Variants in ANAPC5 observed in about 807,000 individuals in gnomAD.
ANAPC5 encodes the protein anaphase-promoting complex subunit 5.
Under a neutral mutation model 91.3 loss-of-function variants are expected in ANAPC5, and 60 were observed. The ratio of observed to expected loss-of-function variants is 0.66; its 90% CI spans 0.53 to 0.81. ANAPC5 has a LOEUF of 0.81. Among genes scored for constraint, ANAPC5 ranks in the 40% least tolerant of loss-of-function variants. ANAPC5 has a pLI of 0.00. For missense variants in ANAPC5, 690 were observed against 931.5 expected (o/e 0.74, Z 3.37); for synonymous variants, 340 against 364.1 (o/e 0.93, Z 0.75).
chr12:121,349,563 C>G (rs1379721976), intron 1 of ANAPC5, among the ~76,000 whole-genome samples: 1 of 149,948 alleles, frequency 6.7e-6, no homozygotes, highest in Non-Finnish European at 1.5e-5. Flanking sequence ...GATCCCACCA[C>G]TCTAAAAAAA....
intron 11 of ANAPC5, among the ~76,000 whole-genome samples, chr12:121,322,022 C>T (rs1373536441): frequency 3.3e-5 from 5 of 151,988 alleles, no homozygotes; most frequent in African/African-American, 1.2e-4. Context: ...CATGCCACCA[C>T]GCCCAGCTAA....
chr12:121,343,210 A>T (rs11065527), intron 4 of ANAPC5, among the ~76,000 whole-genome samples: 33,844 of 152,152 alleles, frequency 0.22, 4,029 homozygotes, highest in Middle Eastern at 0.28. Flanking sequence ...AAAAGTCTGA[A>T]TTTTAACATT....
At chr12:121,340,591 C>A (rs1903412871) in intron 5 of ANAPC5, among the ~76,000 whole-genome samples, 1 of 149,768 alleles carries the variant, frequency 6.7e-6, no homozygotes, top group African/African-American at 2.5e-5. Context: ...GGCCAGAGTG[C>A]AGTAGCGCAA....
At chr12:121,313,107 C>G (rs1902235394) in intron 15 of ANAPC5, among the ~76,000 whole-genome samples, 1 of 152,174 alleles carries the variant, frequency 6.6e-6, no homozygotes, top group African/African-American at 2.4e-5. Context: ...GGATGAATCA[C>G]CTGAGGTCAG....
intron 11 of ANAPC5, among the ~76,000 whole-genome samples, chr12:121,322,098 T>C (rs956027116): frequency 2.6e-5 from 4 of 151,398 alleles, no homozygotes; most frequent in African/African-American, 7.3e-5. Context: ...TCTCATGACC[T>C]CGTGATCCGC....
chr12:121,354,128 ACAGG>A (rs1904001068), upstream of ANAPC5, among the ~76,000 whole-genome samples: 1 of 151,692 alleles, frequency 6.6e-6, no homozygotes, highest in African/African-American at 2.4e-5. Flanking sequence ...AGCTGGAACT[ACAGG>A]CACGCACCAC....
intron 3 of ANAPC5, chr12:121,346,574 A>C (rs1192208296): frequency 4.2e-6 from 1 of 239,384 alleles, no homozygotes; most frequent in Non-Finnish European, 7.9e-6. Flanking sequence ...ACCTCTCTTC[A>C]TAAGTCTGGG....
chr12:121,336,187 G>A (rs1903229730), intron 6 of ANAPC5, among the ~76,000 whole-genome samples: 1 of 151,546 alleles, frequency 6.6e-6, no homozygotes, highest in Non-Finnish European at 1.5e-5. Flanking sequence ...TTTAATCACT[G>A]AAACTTCCCT....
chr12:121,308,422 G>A lies in ANAPC5; in HGVS notation c.*58C>T, dbSNP rs1329899891. 9.5e-6 allele frequency: 13 copies of A among 1,371,684 alleles called. No homozygotes were observed. Among genetic ancestry groups the A allele is most frequent in the Non-Finnish European group, 1.3e-5 (13 of 965,528 alleles). 85.0% of individuals were successfully genotyped at this position (1,371,684 alleles called of 1,614,324 possible). ...ATACATCATTTATAGGGAGAGAGGG[G>A]ACATGAACAAGTCCAAAATCTTATA... On this transcript the variant is annotated 3_prime_UTR_variant, in exon 17 of 17. Coordinates refer to ENST00000261819, the MANE Select transcript of ANAPC5 (RefSeq NM_016237.5).
chr12:121,337,384 C>A lies in ANAPC5; in HGVS notation c.666G>T (p.Leu222Phe). The change falls in exon 6 of 17, where the codon TTG (leucine) becomes TTT (phenylalanine). Residue 222 changes from leucine to phenylalanine, a missense_variant. Coordinates refer to ENST00000261819, the MANE Select transcript of ANAPC5 (RefSeq NM_016237.5). ...AEFFLSQQASLLKNDETKALT... is the reference protein window; with the variant it reads ...AEFFLSQQASFLKNDETKALT... The stretch of plus-strand genomic sequence containing the variant: ...GGGCCTTAGTCTCATCATTCTTTAG[C>A]AAAGAAGCCTGAAATTTAAAAATGG... 1 of 1,611,040 alleles carries A rather than the reference C, an allele frequency of 6.2e-7. No homozygotes were observed. Among genetic ancestry groups the A allele is most frequent in the South Asian group, 1.1e-5 (1 of 90,980 alleles).
chr12:121,334,359 T>C (rs1228962669), intron 7 of ANAPC5: 1 of 152,154 alleles, frequency 6.6e-6, no homozygotes, highest in African/African-American at 2.4e-5. Flanking sequence ...AAGGGATAGA[T>C]GTCTCCATTA....
At chr12:121,340,251 G>A (rs1474071822) in intron 5 of ANAPC5, among the ~76,000 whole-genome samples, 1 of 148,566 alleles carries the variant, frequency 6.7e-6, no homozygotes, top group African/African-American at 2.5e-5. Flanking sequence ...CCGGGAGGCA[G>A]AGGTTGCAGT....
In ANAPC5 at chr12:121,345,851, T is replaced by A; in HGVS notation, c.578A>T (p.Asp193Val). The A allele has an allele frequency of 6.2e-7, 1 of 1,613,330 alleles. No individual in the cohort carries two copies. The highest frequency in any genetic ancestry group is 8.5e-7 in the Non-Finnish European group (1 of 1,179,790). The change falls in exon 4 of 17, where the codon GAT becomes GTT. Residue 193 changes from aspartate (D) to valine (V), a missense_variant. By Grantham distance (152) the Asp-to-Val change is radical (BLOSUM62 -3). Around this residue, in one of 5 missense-constraint regions of ANAPC5, gnomAD observed 238 missense variants for 264.9 expected, o/e 0.90. Transcript: ENST00000261819. ...AAAGCCAAATTACCTTACAGATACA[T>A]CAAGTTCTTCTTTTTCCATTTTTCT... ...GERKMEKEEL[D>V]VSVREEEVSC... is the part of the protein sequence containing the mutation.
upstream of ANAPC5, among the ~76,000 whole-genome samples, chr12:121,353,552 T>C (rs1372760436): frequency 6.6e-6 from 1 of 152,042 alleles, no homozygotes; most frequent in African/African-American, 2.4e-5. Flanking sequence ...GCCATTCTCC[T>C]GCTTCAGCCT....
intron 15 of ANAPC5, chr12:121,310,099 C>T (rs1307673546): frequency 3.0e-6 from 1 of 328,546 alleles, no homozygotes; most frequent in South Asian, 9.7e-5. Context: ...AGGTTCTTGT[C>T]TTTACAAAAA....
At chr12:121,336,803 T>C (rs1323356857) in intron 6 of ANAPC5, among the ~76,000 whole-genome samples, 1 of 152,220 alleles carries the variant, frequency 6.6e-6, no homozygotes, top group African/African-American at 2.4e-5. Context: ...AAATCGCCTA[T>C]GGCCCGAGGA....
At chr12:121,348,220 G>A (rs1485168447) in intron 1 of ANAPC5, among the ~76,000 whole-genome samples, 11 of 152,080 alleles carry the variant, frequency 7.2e-5, no homozygotes, top group Non-Finnish European at 1.6e-4. Flanking sequence ...TATCTCCCTT[G>A]TTTTTGGCAA....
At chr12:121,353,076 G>A (rs1903970771), upstream of ANAPC5, among the ~76,000 whole-genome samples, 1 of 152,118 alleles carries the variant, frequency 6.6e-6, no homozygotes, top group Non-Finnish European at 1.5e-5. Context: ...TTTCTTCAGC[G>A]TTTCACAAAT....
chr12:121,345,993 G>C lies in ANAPC5; in HGVS notation c.436C>G (p.Leu146Val). 6.2e-7 allele frequency: 1 copy of C among 1,610,752 alleles called. No individual in the cohort carries two copies. The highest frequency in any genetic ancestry group is 8.5e-7 in the Non-Finnish European group (1 of 1,179,178). Reference sequence around the variant, plus strand: ...AGTTTAAACACTTGGCTGAAAGAAAGCTTACTGTAGGCCAAGATCATGTGA... The same window carrying C: ...AGTTTAAACACTTGGCTGAAAGAAACCTTACTGTAGGCCAAGATCATGTGA... Reference protein sequence around the residue: ...LRHMILAYSKLSFSQVFKLYT... With the variant: ...LRHMILAYSKVSFSQVFKLYT... Residue 146 changes from leucine to valine, a missense_variant, in exon 4 of 17, where the codon CTT becomes GTT. Physicochemically the swap from Leu to Val is conservative, Grantham distance 32 (BLOSUM62 1). Transcript: ENST00000261819.
Sources: allele counts gnomAD v4.1 joint callset (sites outside exome capture counted in the v4.1 genomes callset), GRCh38; gene constraint gnomAD v4.1.1; regional missense constraint gnomAD v4.1.1; transcripts MANE v1.5; gene names NCBI Gene and HGNC (gene_info 2026-07-23, HGNC 2026-07-21).